CSMD2: variants seen among roughly 807,000 people sequenced by gnomAD.
The protein encoded by CSMD2 is CUB and sushi domain-containing protein 2.
Under a neutral mutation model 398.5 loss-of-function variants are expected in CSMD2, and 130 were observed. The observed-to-expected ratio is 0.33, with a 90% CI of 0.28 to 0.38. CSMD2 has a LOEUF of 0.38. CSMD2 is among the 10% of genes least tolerant of loss of function. The pLI is 1.00. For synonymous variants in CSMD2, 1,828 were observed against 1,908.5 expected (o/e 0.96, Z 1.10); for missense variants, 3,829 against 4,764.9 (o/e 0.80, Z 5.78).
In CSMD2 at chr1:33,592,711, A is replaced by T. The variant is rs879017078; in HGVS notation, c.6857-5543T>A. 5.3e-5 allele frequency among the ~76,000 whole-genome samples: 8 copies of T among 152,270 alleles called. No homozygotes were observed. The South Asian group carries it at 1.7e-3, about 32-fold the overall frequency. Reference sequence around the variant, plus strand: ...ACACCTATAATCCCAGCAGTTTTGGAGGCCGAGGTGGGCGGATCACAAGGT... The same window carrying T: ...ACACCTATAATCCCAGCAGTTTTGGTGGCCGAGGTGGGCGGATCACAAGGT... On this transcript the variant is annotated intron_variant, in intron 44 of 70. Coordinates refer to ENST00000373381, the MANE Select transcript of CSMD2 (RefSeq NM_001281956.2).
intron 60 of CSMD2, 127 bp downstream of exon 60, chr1:33,540,398 A>T (rs1570665967): frequency 1.1e-6 from 1 of 881,194 alleles, no homozygotes; most frequent in Non-Finnish European, 1.8e-6. Flanking sequence ...AGTGTCTTTG[A>T]TGAAGCTCCT....
Position 33,622,194 on chromosome 1 carries a change from C to T in CSMD2, c.5800G>A (p.Ala1934Thr). 6.2e-7 allele frequency: 1 copy of T among 1,614,018 alleles called. No homozygotes were observed. Among genetic ancestry groups the T allele is most frequent in the African/African-American group, 1.3e-5 (1 of 75,042 alleles). Residue 1934 changes from alanine (A) to threonine (T), a missense_variant, in exon 37 of 71, where the codon GCA becomes ACA. By Grantham distance (58) the Ala-to-Thr change is moderately conservative. Coordinates refer to ENST00000373381, the MANE Select transcript of CSMD2 (RefSeq NM_001281956.2). ...LHFYSDISVSAAGFHLEYKTV... is the reference protein window; with the variant it reads ...LHFYSDISVSTAGFHLEYKTV... ...TTGTACTCCAAGTGGAAGCCAGCTG[C>T]AGATACGCTGATATCTGAGTAGAAA...
chr1:33,935,110 G>A (rs776928850), intron 4 of CSMD2, among the ~76,000 whole-genome samples: 16 of 152,042 alleles, frequency 1.1e-4, no homozygotes, highest in Non-Finnish European at 1.8e-4. Flanking sequence ...TAGGCTGGGA[G>A]TAGAGTGACA....
chr1:33,853,568 G>A (rs1251594124), intron 5 of CSMD2, among the ~76,000 whole-genome samples: 1 of 151,868 alleles, frequency 6.6e-6, no homozygotes, highest in East Asian at 1.9e-4. Flanking sequence ...GACTGGCACT[G>A]AGAGACTTGG....
chr1:33,594,091 G>A lies in CSMD2; in HGVS notation c.6856+6774C>T, dbSNP rs374439772. ...TTTTAAGAATTATTGTATTTGCACT[G>A]CTTTGAATCCATATGTTCCATTATT... is the stretch of plus-strand genomic sequence containing the variant. On this transcript the variant is annotated intron_variant, in intron 44 of 70. Transcript: ENST00000373381. Among the ~76,000 whole-genome samples, 16 of 152,198 alleles carry A rather than the reference G, an allele frequency of 1.1e-4. No homozygotes were observed. In the South Asian group the frequency reaches 3.3e-3, roughly 32 times the overall value.
intron 6 of CSMD2, among the ~76,000 whole-genome samples, chr1:33,827,264 A>G (rs1489898674): frequency 6.6e-6 from 1 of 152,168 alleles, no homozygotes; most frequent in African/African-American, 2.4e-5. Context: ...TTCTAGAGTA[A>G]AAGTCCTTAA....
In CSMD2 at chr1:33,624,845, G is replaced by T. The variant is rs114191658; in HGVS notation, c.5501-202C>A. Among the ~76,000 whole-genome samples the T allele has an allele frequency of 5.3e-3, 802 of 152,152 alleles. 5 individuals carry two copies. Among genetic ancestry groups the T allele is most frequent in the African/African-American group, 0.019 (780 of 41,502 alleles). ...CCCTGGGCCCAGCTCCTCTCTCCAC[G>T]TGTGCCCCGTCCCCAGTACACCGGC... On this transcript the variant is annotated intron_variant, in intron 34 of 70. Coordinates refer to ENST00000373381, the MANE Select transcript of CSMD2 (RefSeq NM_001281956.2). The surrounding 1 kb of genome is among the most constrained non-coding windows in gnomAD (Gnocchi z 4.7).
At chr1:33,556,208 G>A (rs963096477) in intron 55 of CSMD2, among the ~76,000 whole-genome samples, 1 of 152,152 alleles carries the variant, frequency 6.6e-6, no homozygotes, top group African/African-American at 2.4e-5. Flanking sequence ...AACAATTTGA[G>A]TCCACTAGGG....
intron 3 of CSMD2, among the ~76,000 whole-genome samples, chr1:33,967,715 G>A (rs895093185): frequency 1.3e-5 from 2 of 152,196 alleles, no homozygotes; most frequent in Admixed American, 6.5e-5. Flanking sequence ...TAGGTTTGGG[G>A]GGCCTCACTC....
intron 1 of CSMD2, among the ~76,000 whole-genome samples, chr1:34,098,021 C>T: frequency 1.1e-5 from 1 of 94,682 alleles, no homozygotes; most frequent in South Asian, 4.4e-4. Flanking sequence ...CCCAAATGTC[C>T]AACAATGATA....
At chr1:34,037,226 GGGC>G (rs1041361963) in intron 2 of CSMD2, among the ~76,000 whole-genome samples, 10 of 152,232 alleles carry the variant, frequency 6.6e-5, no homozygotes, top group South Asian at 4.2e-4. Flanking sequence ...TCCCTGGATT[GGGC>G]TTTGAGCTTT....
intron 19 of CSMD2, among the ~76,000 whole-genome samples, chr1:33,723,324 G>A (rs77796112): frequency 0.024 from 3,687 of 152,276 alleles, 82 homozygotes; most frequent in East Asian, 0.12. Context: ...CACCGCCAAC[G>A]TAGAAAATCA....
chr1:33,817,841 C>T (rs952174541), intron 9 of CSMD2, among the ~76,000 whole-genome samples: 1 of 152,204 alleles, frequency 6.6e-6, no homozygotes, highest in African/African-American at 2.4e-5. Context: ...GGATTTGTAC[C>T]ATGATTTCCT....
In CSMD2 at chr1:33,518,722, G is replaced by T. The variant is rs1653983464; in HGVS notation, c.*53+743C>A. On this transcript the variant is annotated intron_variant, in intron 70 of 70. Coordinates refer to ENST00000373381, the MANE Select transcript of CSMD2 (RefSeq NM_001281956.2). The surrounding 1 kb of genome is among the most constrained non-coding windows in gnomAD (Gnocchi z 4.3). ...CTCTGACTGCTTTTGGACTCAAGAT[G>T]ACAGCATCAACTCCTGCTGGAATTT... Among the ~76,000 whole-genome samples the T allele has an allele frequency of 6.6e-6, 1 of 152,146 alleles. No homozygotes were observed. The highest frequency in any genetic ancestry group is 1.5e-5 in the Non-Finnish European group (1 of 68,026).
At chr1:33,750,219 T>C (rs1161610025) in intron 13 of CSMD2, among the ~76,000 whole-genome samples, 1 of 152,170 alleles carries the variant, frequency 6.6e-6, no homozygotes, top group Non-Finnish European at 1.5e-5. Context: ...AGATCTTTTT[T>C]TTTTCTGGAA....
chr1:33,867,795 C>A (rs557759757), intron 5 of CSMD2, among the ~76,000 whole-genome samples: 2 of 152,060 alleles, frequency 1.3e-5, no homozygotes, highest in South Asian at 4.2e-4. Context: ...TTGTTTCCAG[C>A]CTGAAATGTG....
chr1:33,952,703 T>G (rs143449629), intron 3 of CSMD2, among the ~76,000 whole-genome samples: 2 of 136,264 alleles, frequency 1.5e-5, no homozygotes, highest in African/African-American at 3.6e-5. Context: ...CACACACACA[T>G]GCACACACAC....
At chr1:33,792,574 C>G (rs769579265) in intron 10 of CSMD2, 48 bp from the exon 11 acceptor site, 96 of 1,260,258 alleles carry the variant, frequency 7.6e-5, no homozygotes, top group Non-Finnish European at 1.0e-4. Flanking sequence ...TGTGAGGAAG[C>G]CTTCCAAAGC....
At chr1:33,775,635 G>T (rs987363566) in intron 12 of CSMD2, among the ~76,000 whole-genome samples, 4 of 152,244 alleles carry the variant, frequency 2.6e-5, no homozygotes, top group African/African-American at 9.6e-5. Context: ...GGTCTGAATG[G>T]AGGGTCATCA....
Sources: allele counts gnomAD v4.1 joint callset (sites outside exome capture counted in the v4.1 genomes callset), GRCh38; gene constraint gnomAD v4.1.1; non-coding constraint Gnocchi (gnomAD v3.1); transcripts MANE v1.5; gene names NCBI Gene and HGNC (gene_info 2026-07-23, HGNC 2026-07-21).